The following GOLGA1 variants were observed in gnomAD, a reference collection of about 807,000 sequenced individuals.
GOLGA1 encodes the protein golgin A1.
A neutral mutation model predicts 119.7 loss-of-function variants in GOLGA1; 63 were observed. The observed-to-expected ratio is 0.53, with a 90% CI of 0.43 to 0.65. The LOEUF is 0.65. GOLGA1 is among the 30% of genes least tolerant of loss of function. GOLGA1 has a pLI of 0.00. For synonymous variants in GOLGA1, 318 were observed against 333.4 expected, an observed-to-expected ratio of 0.95 and a Z score of 0.50; for missense variants, 798 against 912.8, an observed-to-expected ratio of 0.87 and a Z score of 1.62.
At chr9:124,905,920 C>T (rs2131431772) in intron 12 of GOLGA1, among the ~76,000 whole-genome samples, 1 of 151,660 alleles carries the variant, frequency 6.6e-6, no homozygotes, top group South Asian at 2.1e-4. Flanking sequence ...CGAGACCAGC[C>T]TGGCCAACAT....
rs1249270584 is a variant in GOLGA1, at chr9:124,881,383, C to A, written c.2137-126G>T. ...GACCAGGTGGTGGGTGACGCTCTGGCACTCTGAAGTTTGGCAGCAATGATA... is the reference window on the plus strand; with the variant it reads ...GACCAGGTGGTGGGTGACGCTCTGGAACTCTGAAGTTTGGCAGCAATGATA... On this transcript the variant is annotated intron_variant, in intron 21 of 22. Transcript: ENST00000373555. This position sits in a 1 kb window ranked among gnomAD's most constrained non-coding sequence, Gnocchi z 4.9. 4.2e-6 allele frequency: 3 copies of A among 706,630 alleles called. No individual in the cohort carries two copies. The highest frequency in any genetic ancestry group is 2.6e-6 in the Non-Finnish European group (1 of 386,376). The allele number at this position is 706,630 out of a possible 1,614,324, so 43.8% of individuals were successfully genotyped here. A position where few individuals can be genotyped will look rare whatever the true frequency, so the allele number is the denominator to read the frequency against.
chr9:124,888,425 CCAGGA>C lies in GOLGA1; in HGVS notation c.1762-34_1762-30del. On this transcript the variant is annotated intron_variant, in intron 18 of 22. Coordinates refer to ENST00000373555, the MANE Select transcript of GOLGA1 (RefSeq NM_002077.4). This position sits in a 1 kb window ranked among gnomAD's most constrained non-coding sequence, Gnocchi z 4.4. ...CAAGGTGGCAGCAGCAAATTGAGAG[CCAGGA>C]CAGGTCAGGTGAAGCTGAGCCACAG... 2 of 1,610,920 alleles carry C rather than the reference CCAGGA, an allele frequency of 1.2e-6. No individual in the cohort carries two copies. The highest frequency in any genetic ancestry group is 4.5e-5 in the East Asian group (2 of 44,866).
chr9:124,928,276 C>T lies in GOLGA1; in HGVS notation c.311G>A (p.Arg104Gln), dbSNP rs141975165. 3.8e-6 allele frequency: 6 copies of T among 1,584,240 alleles called. No individual in the cohort carries two copies. Among genetic ancestry groups the T allele is most frequent in the South Asian group, 3.3e-5 (3 of 90,030 alleles). The change falls in exon 6 of 23, where the codon CGG becomes CAG. Residue 104 changes from arginine (R) to glutamine (Q), a missense_variant. Arg to Gln is a conservative substitution (Grantham distance 43, BLOSUM62 1). Transcript: ENST00000373555. ...TGTCTCATTCTGCTCTTGAAATTTC[C>T]GCATGGAAGCTGTTAACAAAGAGGC... ...ALEKHQDSSM[R>Q]KFQEQNETFQ...
chr9:124,937,857 C>T (rs528663957), intron 3 of GOLGA1, among the ~76,000 whole-genome samples: 26 of 151,992 alleles, frequency 1.7e-4, no homozygotes, highest in African/African-American at 5.8e-4. Flanking sequence ...CCAAGGTGGG[C>T]GGATCGCCTG....
chr9:124,891,020 G>C (rs1371832300), intron 15 of GOLGA1, among the ~76,000 whole-genome samples: 1 of 152,192 alleles, frequency 6.6e-6, no homozygotes, highest in Non-Finnish European at 1.5e-5. Context: ...GCCGAGCATG[G>C]TGTCACATGC....
rs748185454 is a variant in GOLGA1 at position 124,880,579 on chromosome 9, T to C, written c.2255A>G (p.Lys752Arg). 8.8e-5 allele frequency: 142 copies of C among 1,611,202 alleles called. No homozygotes were observed. The highest frequency in any genetic ancestry group is 1.1e-4 in the Non-Finnish European group (129 of 1,177,622). Residue 752 changes from lysine (K) to arginine (R), a missense_variant, in exon 23 of 23, where the codon AAG becomes AGG. Coordinates refer to ENST00000373555, the MANE Select transcript of GOLGA1 (RefSeq NM_002077.4). ...MSWFGSKPAP[K>R]GSIRPSISNP... is the part of the protein sequence containing the mutation. ...TGAGATAGACGGCCGGATGCTGCCC[T>C]TGGGAGCTGGTTTGGACCCAAACCA...
At chr9:124,901,485 C>T (rs1271901543) in intron 12 of GOLGA1, among the ~76,000 whole-genome samples, 6 of 146,520 alleles carry the variant, frequency 4.1e-5, no homozygotes, top group Admixed American at 2.8e-4. Flanking sequence ...CCCAGGCTGG[C>T]GTGCAGTAGT....
chr9:124,903,651 C>CAAAAAAAAAAAA (rs11435294), intron 12 of GOLGA1, among the ~76,000 whole-genome samples: 7 of 91,276 alleles, frequency 7.7e-5, no homozygotes, highest in Non-Finnish European at 1.2e-4. Context: ...AGAAAAAGAC[C>CAAAAAAAAAAAA]AAAAAAAAAA....
At chr9:124,901,717 G>A (rs1177405328) in intron 12 of GOLGA1, among the ~76,000 whole-genome samples, 3 of 152,158 alleles carry the variant, frequency 2.0e-5, no homozygotes, top group Admixed American at 6.5e-5. Context: ...TTACAGGCAT[G>A]AGCCACCGCA....
At chr9:124,892,345 G>A (rs1829875542) in intron 15 of GOLGA1, among the ~76,000 whole-genome samples, 2 of 152,186 alleles carry the variant, frequency 1.3e-5, no homozygotes, top group African/African-American at 4.8e-5. Context: ...TTTTTGAGAT[G>A]CATACATGGC....
chr9:124,924,636 CA>C (rs71374206), intron 7 of GOLGA1, among the ~76,000 whole-genome samples: 90 of 108,648 alleles, frequency 8.3e-4, no homozygotes, highest in Middle Eastern at 5.1e-3. Flanking sequence ...GACCCTGTCT[CA>C]AAAAAAAAAA....
At chr9:124,901,427 C>T (rs561114658) in intron 12 of GOLGA1, among the ~76,000 whole-genome samples, 7 of 148,814 alleles carry the variant, frequency 4.7e-5, no homozygotes, top group East Asian at 2.0e-4. Context: ...CACGCCACCA[C>T]GCCCAGCTAT....
intron 10 of GOLGA1, among the ~76,000 whole-genome samples, chr9:124,920,457 T>C (rs1830543918): frequency 6.6e-6 from 1 of 152,090 alleles, no homozygotes; most frequent in Non-Finnish European, 1.5e-5. Flanking sequence ...TCTCAGAGTG[T>C]AGCACAGCCC....
intron 10 of GOLGA1, among the ~76,000 whole-genome samples, chr9:124,912,827 C>T (rs558193045): frequency 7.2e-5 from 11 of 152,120 alleles, no homozygotes; most frequent in Admixed American, 7.2e-4. Context: ...CAGGCGTAAG[C>T]CACTGTGCCT....
chr9:124,922,985 T>C (rs528734842), intron 8 of GOLGA1, 110 bp downstream of exon 8: 52 of 658,796 alleles, frequency 7.9e-5, no homozygotes, highest in African/African-American at 7.7e-4. Context: ...ATATGATTAA[T>C]ATCACATATT....
intron 12 of GOLGA1, among the ~76,000 whole-genome samples, chr9:124,907,860 A>C (rs1368823313): frequency 6.6e-6 from 1 of 152,212 alleles, no homozygotes; most frequent in East Asian, 1.9e-4. Flanking sequence ...GGAGGAGGAG[A>C]GCCAGGTGCA....
rs752475423 is a variant in GOLGA1, at chr9:124,881,819, CAT to C, written c.2099_2100del (p.His700ArgfsTer41). On this transcript the variant is annotated frameshift_variant, in exon 21 of 23. Transcript: ENST00000373555. LOFTEE classifies it high-confidence loss of function. The surrounding 1 kb of genome is among the most constrained non-coding windows in gnomAD (Gnocchi z 4.9). Reference protein sequence around the residue: ...AREINFEYLKHVVLKFMSCRE... With the variant: ...AREINFEYLKXVVLKFMSCRE... Reference sequence around the variant, plus strand: ...CGACAAGACATGAATTTTAAAACCACATGTTTAAGGTACTCAAAGTTGATCTC... The same window carrying C: ...CGACAAGACATGAATTTTAAAACCACGTTTAAGGTACTCAAAGTTGATCTC... 4.3e-6 allele frequency: 7 copies of C among 1,611,306 alleles called. No homozygotes were observed. Among genetic ancestry groups the C allele is most frequent in the Admixed American group, 3.4e-5 (2 of 59,102 alleles).
Position 124,889,265 on chromosome 9 carries a change from C to G in GOLGA1, c.1639G>C (p.Ala547Pro). The stretch of plus-strand genomic sequence containing the variant: ...AGGGTCCTCAGGGCCTCCAGCTCGG[C>G]CTGCAGCTGGTGTATCTGCAGCAGG... ...SALLQIHQLQ[A>P]ELEALRTLKA... The change falls in exon 18 of 23, where the codon GCC (alanine) becomes CCC (proline). Residue 547 changes from alanine (A) to proline (P), a missense_variant. Physicochemically the swap from Ala to Pro is conservative, Grantham distance 27. Coordinates refer to ENST00000373555, the MANE Select transcript of GOLGA1 (RefSeq NM_002077.4). 6.2e-7 allele frequency: 1 copy of G among 1,613,858 alleles called. No homozygotes were observed. Among genetic ancestry groups the G allele is most frequent in the Non-Finnish European group, 8.5e-7 (1 of 1,179,896 alleles).
At position 124,879,496 on chromosome 9, in the gene GOLGA1, G is replaced by A. The variant is rs1232759672; in HGVS notation, c.*1034C>T. The A allele has an allele frequency of 6.6e-6, 1 of 151,858 alleles. No individual in the cohort carries two copies. Among genetic ancestry groups the A allele is most frequent in the Non-Finnish European group, 1.5e-5 (1 of 67,994 alleles). The allele number at this position is 151,858 out of a possible 1,614,324, so 9.4% of individuals were successfully genotyped here. On this transcript the variant is annotated 3_prime_UTR_variant, in exon 23 of 23. Transcript: ENST00000373555. Reference sequence around the variant, plus strand: ...GGCAGACTGCCCCAGTGTCTCCATCGAGGCTGGGGGACAGCTGCTGCCCCC... The same window carrying A: ...GGCAGACTGCCCCAGTGTCTCCATCAAGGCTGGGGGACAGCTGCTGCCCCC...
Sources: gnomAD v4.1 joint callset for allele counts (sites outside exome capture counted in the v4.1 genomes callset) on GRCh38, gnomAD v4.1.1 for gene constraint, Gnocchi (gnomAD v3.1) non-coding constraint, MANE v1.5 for transcripts, NCBI Gene and HGNC (gene_info 2026-07-23, HGNC 2026-07-21) for gene names.